The following DNAH11 variants were observed in gnomAD, a reference collection of about 807,000 sequenced individuals.
The protein encoded by DNAH11 is axonemal beta dynein heavy chain 11.
DNAH11 carries 442 observed loss-of-function variants against 526.0 expected under a neutral mutation model. The observed-to-expected ratio is 0.84, with a 90% CI of 0.78 to 0.91. The LOEUF is 0.91. Among genes scored for constraint, DNAH11 ranks in the 40% least tolerant of loss-of-function variants. DNAH11 has a pLI of 0.00. For synonymous variants in DNAH11, 2,461 were observed against 1,935.9 expected (o/e 1.27, Z -7.12); for missense variants, 6,989 against 5,448.7 (o/e 1.28, Z -8.90).
At chr7:21,563,920 C>T (rs951477950) in intron 5 of DNAH11, among the ~76,000 whole-genome samples, 5 of 152,116 alleles carry the variant, frequency 3.3e-5, no homozygotes, top group Non-Finnish European at 7.4e-5. Flanking sequence ...GGGGTATTTT[C>T]CCCTTGGGTT....
chr7:21,871,104 T>C (rs753319995), intron 73 of DNAH11, among the ~76,000 whole-genome samples: 4 of 152,240 alleles, frequency 2.6e-5, no homozygotes, highest in Non-Finnish European at 5.9e-5. Flanking sequence ...ATGTGATCAA[T>C]TATTATGATT....
chr7:21,855,238 A>G (rs1205762555), intron 68 of DNAH11, among the ~76,000 whole-genome samples: 2 of 151,990 alleles, frequency 1.3e-5, no homozygotes, highest in East Asian at 1.9e-4. Context: ...TCACCGTGTT[A>G]GCCAGAATGA....
intron 58 of DNAH11, among the ~76,000 whole-genome samples, chr7:21,785,226 G>A (rs915815142): frequency 6.6e-6 from 1 of 152,154 alleles, no homozygotes; most frequent in Non-Finnish European, 1.5e-5. Flanking sequence ...GGAAAGAATC[G>A]AGATTTTCAC....
At chr7:21,552,651 T>G (rs1432214073) in intron 2 of DNAH11, among the ~76,000 whole-genome samples, 1 of 152,186 alleles carries the variant, frequency 6.6e-6, no homozygotes. Context: ...TCCAGGACCT[T>G]TTCTAAGATT....
At position 21,600,845 on chromosome 7, in the gene DNAH11, ATGCTGTGTC is replaced by A; in HGVS notation, c.3172_3180del (p.Ala1058_Ser1060del). 1 of 1,613,980 alleles carries A rather than the reference ATGCTGTGTC, an allele frequency of 6.2e-7. No homozygotes were observed. The highest frequency in any genetic ancestry group is 8.5e-7 in the Non-Finnish European group (1 of 1,179,874). On this transcript the variant is annotated inframe_deletion, in exon 16 of 82. Coordinates refer to ENST00000409508, the MANE Select transcript of DNAH11 (RefSeq NM_001277115.2). The stretch of plus-strand genomic sequence containing the variant: ...ATGAAGCATTTTCTCTTGTATGGCC[ATGCTGTGTC>A]TTCCGATGAAATGGATGCTCATGCA...
chr7:21,688,364 T>A (rs1040028532), intron 34 of DNAH11, among the ~76,000 whole-genome samples: 22 of 152,208 alleles, frequency 1.4e-4, no homozygotes, highest in Non-Finnish European at 2.8e-4. Context: ...TATCCGTGTT[T>A]CCTATTATGT....
At chr7:21,864,723 G>A in intron 70 of DNAH11, 66 bp downstream of exon 70, 1 of 1,447,818 alleles carries the variant, frequency 6.9e-7, no homozygotes, top group Non-Finnish European at 9.2e-7. Flanking sequence ...CTCCAGTGTT[G>A]AAATGTAAAC....
intron 31 of DNAH11, among the ~76,000 whole-genome samples, chr7:21,683,452 C>A (rs1297637175): frequency 6.6e-6 from 1 of 152,128 alleles, no homozygotes; most frequent in African/African-American, 2.4e-5. Context: ...TAAATATAGA[C>A]AGTATATTTT....
chr7:21,894,480 G>A (rs1386124494), intron 77 of DNAH11, 143 bp from the exon 78 acceptor site: 21 of 791,328 alleles, frequency 2.7e-5, no homozygotes, highest in Admixed American at 2.4e-4. Flanking sequence ...CCTGGGAGCC[G>A]TAGGCATCCT....
intron 63 of DNAH11, among the ~76,000 whole-genome samples, chr7:21,809,641 A>G (rs1245162726): frequency 2.6e-5 from 4 of 151,960 alleles, no homozygotes; most frequent in Non-Finnish European, 5.9e-5. Context: ...TCAGCCCACT[A>G]CAACCTCCGC....
At chr7:21,568,715 T>G (rs1010734895) in intron 6 of DNAH11, among the ~76,000 whole-genome samples, 1 of 152,210 alleles carries the variant, frequency 6.6e-6, no homozygotes, top group Non-Finnish European at 1.5e-5. Context: ...GTCCTAGGGA[T>G]GTTACTTTAC....
chr7:21,747,015 G>A (rs1019578122), intron 51 of DNAH11, among the ~76,000 whole-genome samples: 2 of 152,072 alleles, frequency 1.3e-5, no homozygotes, highest in Non-Finnish European at 2.9e-5. Context: ...CTTTGATCAG[G>A]GATTATGAGC....
Position 21,599,973 on chromosome 7 carries a change from C to A in DNAH11, c.2854C>A (p.Pro952Thr), listed in dbSNP as rs1785012743. 1 of 1,613,468 alleles carries A rather than the reference C, an allele frequency of 6.2e-7. No homozygotes were observed. The highest frequency in any genetic ancestry group is 8.5e-7 in the Non-Finnish European group (1 of 1,179,698). ...PFFQAQMILL[P>T]PEIVFKPSLD... is the part of the protein sequence containing the mutation. ...TTTTCAAGCACAAATGATCTTGTTGCCTCCTGAGATTGTGTTTAAACCTTC... is the reference window on the plus strand; with the variant it reads ...TTTTCAAGCACAAATGATCTTGTTGACTCCTGAGATTGTGTTTAAACCTTC... Residue 952 changes from proline (P) to threonine (T), a missense_variant, in exon 15 of 82, where the codon CCT becomes ACT. Pro to Thr is a conservative substitution (Grantham distance 38, BLOSUM62 -1). Transcript: ENST00000409508.
chr7:21,768,427 AAGG>A (rs1341348073), intron 55 of DNAH11, among the ~76,000 whole-genome samples: 3 of 152,214 alleles, frequency 2.0e-5, no homozygotes, highest in Admixed American at 6.5e-5. Context: ...AGCCAGATGA[AAGG>A]AGAAGTTACT....
At chr7:21,670,774 C>T (rs1782613302) in intron 30 of DNAH11, among the ~76,000 whole-genome samples, 1 of 151,986 alleles carries the variant, frequency 6.6e-6, no homozygotes, top group Non-Finnish European at 1.5e-5. Context: ...ATGACCATGC[C>T]ATTCTGTTAT....
intron 25 of DNAH11, among the ~76,000 whole-genome samples, chr7:21,627,419 A>T (rs1189510072): frequency 1.3e-5 from 2 of 152,124 alleles, no homozygotes; most frequent in African/African-American, 2.4e-5. Flanking sequence ...CAGGTCTTAG[A>T]TTCAACTCTT....
chr7:21,579,807 A>T (rs571070733), intron 8 of DNAH11, among the ~76,000 whole-genome samples: 3 of 152,216 alleles, frequency 2.0e-5, no homozygotes, highest in Non-Finnish European at 4.4e-5. Context: ...TTAGTCAGCC[A>T]TTGGAGGATG....
At chr7:21,638,731 T>TGTGTGC (rs1227826627) in intron 27 of DNAH11, among the ~76,000 whole-genome samples, 7 of 148,976 alleles carry the variant, frequency 4.7e-5, no homozygotes, top group African/African-American at 1.0e-4. Flanking sequence ...TGTGTGTGTG[T>TGTGTGC]GTATTTGGCA....
At chr7:21,890,143 G>C (rs568962346) in intron 76 of DNAH11, among the ~76,000 whole-genome samples, 1 of 152,246 alleles carries the variant, frequency 6.6e-6, no homozygotes, top group Admixed American at 6.5e-5. Context: ...GCTGTTATGA[G>C]CAATATTTTA....
Sources: gnomAD v4.1 joint callset for allele counts (sites outside exome capture counted in the v4.1 genomes callset) on GRCh38, gnomAD v4.1.1 for gene constraint, MANE v1.5 for transcripts, NCBI Gene and HGNC (gene_info 2026-07-23, HGNC 2026-07-21) for gene names.